The following KCNH7 variants were observed in gnomAD, a reference collection of about 807,000 sequenced individuals.
KCNH7 encodes voltage-gated inwardly rectifying potassium channel KCNH7.
In KCNH7, 49 loss-of-function variants were observed where a neutral mutation model predicts 120.8. The observed-to-expected ratio is 0.41, with a 90% confidence interval of 0.32 to 0.51. The LOEUF (loss-of-function observed/expected upper bound fraction) is 0.51. Among genes scored for constraint, KCNH7 ranks in the 20% least tolerant of loss-of-function variants. The probability of loss-of-function intolerance (pLI) is 0.38; values close to 1 mark genes in which losing one functional copy is unlikely to be tolerated. For synonymous variants in KCNH7, 547 were observed against 516.1 expected, an observed-to-expected ratio of 1.06 and a Z score of -0.81; for missense variants, 1,097 against 1,446.6, an observed-to-expected ratio of 0.76 and a Z score of 3.92.
At chr2:162,376,372 T>G (rs547639210) in intron 14 of KCNH7, among the ~76,000 whole-genome samples, 10 of 151,770 alleles carry the variant, frequency 6.6e-5, no homozygotes, top group East Asian at 5.8e-4. Context: ...TGGTTTGTTT[T>G]TTTTTTTTTT....
intron 9 of KCNH7, among the ~76,000 whole-genome samples, chr2:162,401,573 GA>G (rs1175677432): frequency 1.3e-5 from 2 of 151,696 alleles, no homozygotes; most frequent in Non-Finnish European, 2.9e-5. Context: ...AATCATATGA[GA>G]AAAAAACATA....
intron 13 of KCNH7, among the ~76,000 whole-genome samples, chr2:162,382,745 A>C (rs1349917759): frequency 6.6e-6 from 1 of 151,998 alleles, no homozygotes; most frequent in Non-Finnish European, 1.5e-5. Context: ...AACAAGTCAC[A>C]CATTGCATAT....
intron 2 of KCNH7, among the ~76,000 whole-genome samples, chr2:162,723,593 A>C (rs989887259): frequency 6.6e-6 from 1 of 152,156 alleles, no homozygotes; most frequent in Admixed American, 6.5e-5. Flanking sequence ...TCTAATTGTT[A>C]ATTCTATTCA....
chr2:162,497,217 A>G (rs79172291), intron 6 of KCNH7, among the ~76,000 whole-genome samples: 126 of 152,284 alleles, frequency 8.3e-4, no homozygotes, highest in African/African-American at 2.9e-3. Flanking sequence ...CTGAGTCACA[A>G]TGAAGAGATA....
intron 2 of KCNH7, among the ~76,000 whole-genome samples, chr2:162,598,615 C>T (rs544879414): frequency 6.6e-6 from 1 of 152,262 alleles, no homozygotes; most frequent in South Asian, 2.1e-4. Context: ...TTACTGCACA[C>T]TGCTGAGTAC....
chr2:162,665,950 A>T (rs1031897719), intron 2 of KCNH7, among the ~76,000 whole-genome samples: 14 of 152,226 alleles, frequency 9.2e-5, no homozygotes, highest in African/African-American at 3.4e-4. Context: ...TTTGCACAGC[A>T]TGGTACACAT....
intron 9 of KCNH7, among the ~76,000 whole-genome samples, chr2:162,407,768 G>T (rs1374143955): frequency 6.6e-6 from 1 of 151,988 alleles, no homozygotes; most frequent in African/African-American, 2.4e-5. Context: ...GATTCTGTTG[G>T]ATGCTCTACA....
At chr2:162,753,217 G>T (rs1297632061) in intron 2 of KCNH7, among the ~76,000 whole-genome samples, 1 of 151,838 alleles carries the variant, frequency 6.6e-6, no homozygotes, top group Non-Finnish European at 1.5e-5. Flanking sequence ...GGGTAGTTTT[G>T]ATATTTATTA....
intron 7 of KCNH7, 88 bp downstream of exon 7, chr2:162,445,930 G>T (rs979245333): frequency 4.9e-6 from 5 of 1,010,742 alleles, no homozygotes; most frequent in Non-Finnish European, 7.1e-6. Flanking sequence ...CAAGAAGCTT[G>T]CAAAGCAACT....
intron 2 of KCNH7, among the ~76,000 whole-genome samples, chr2:162,740,237 C>G (rs1263894969): frequency 6.6e-6 from 1 of 152,132 alleles, no homozygotes; most frequent in Admixed American, 6.6e-5. Flanking sequence ...AAGTAGGAGT[C>G]AAATATTCAA....
chr2:162,779,753 T>C (rs1041646524), intron 2 of KCNH7, among the ~76,000 whole-genome samples: 2 of 152,152 alleles, frequency 1.3e-5, no homozygotes, highest in African/African-American at 4.8e-5. Flanking sequence ...CCAACCACGC[T>C]CCCTCATGGT....
intron 2 of KCNH7, among the ~76,000 whole-genome samples, chr2:162,780,487 C>G (rs966590414): frequency 9.2e-5 from 14 of 152,136 alleles, no homozygotes; most frequent in Non-Finnish European, 1.5e-4. Context: ...CAATCAATAT[C>G]TAGAAACAGA....
At chr2:162,615,225 G>A (rs1005926893) in intron 2 of KCNH7, among the ~76,000 whole-genome samples, 1 of 152,166 alleles carries the variant, frequency 6.6e-6, no homozygotes, top group Admixed American at 6.6e-5. Flanking sequence ...GCCAATCACG[G>A]AAGATTTCAC....
At chr2:162,730,772 G>A (rs1454197416) in intron 2 of KCNH7, among the ~76,000 whole-genome samples, 1 of 151,846 alleles carries the variant, frequency 6.6e-6, no homozygotes, top group Non-Finnish European at 1.5e-5. Flanking sequence ...GCGGGAAAAA[G>A]GAAAATATGT....
intron 3 of KCNH7, among the ~76,000 whole-genome samples, chr2:162,527,226 A>G (rs1326040029): frequency 1.3e-5 from 2 of 151,988 alleles, no homozygotes; most frequent in African/African-American, 2.4e-5. Context: ...GTCAAATTTA[A>G]TCTTTAAAAA....
At chr2:162,741,263 T>C (rs1688121273) in intron 2 of KCNH7, among the ~76,000 whole-genome samples, 1 of 149,654 alleles carries the variant, frequency 6.7e-6, no homozygotes, top group African/African-American at 2.4e-5. Context: ...GTTATACATA[T>C]TAATAACATA....
At chr2:162,735,530 C>T (rs1384270663) in intron 2 of KCNH7, among the ~76,000 whole-genome samples, 1 of 152,028 alleles carries the variant, frequency 6.6e-6, no homozygotes. Context: ...AAGAATTGGC[C>T]CTTGAGGTAT....
chr2:162,808,908 A>T (rs1177832399), intron 2 of KCNH7, among the ~76,000 whole-genome samples: 1 of 152,206 alleles, frequency 6.6e-6, no homozygotes, highest in African/African-American at 2.4e-5. Context: ...ATAAGTAATC[A>T]TGTTAGCACT....
At chr2:162,484,252 G>T (rs917015434) in intron 6 of KCNH7, among the ~76,000 whole-genome samples, 3 of 146,520 alleles carry the variant, frequency 2.0e-5, no homozygotes, top group Admixed American at 6.8e-5. Context: ...CACACACAGA[G>T]AGACACACAC....
Sources: gnomAD v4.1 joint callset for allele counts (sites outside exome capture counted in the v4.1 genomes callset) on GRCh38, gnomAD v4.1.1 for gene constraint, MANE v1.5 for transcripts, NCBI Gene and HGNC (gene_info 2026-07-23, HGNC 2026-07-21) for gene names.